KLHL5: variants seen among roughly 807,000 people sequenced by gnomAD.
KLHL5 encodes kelch like family member 5.
In KLHL5, 48 loss-of-function variants were observed where a neutral mutation model predicts 77.7. The observed-to-expected ratio is 0.62, with a 90% CI of 0.49 to 0.79. The LOEUF (loss-of-function observed/expected upper bound fraction) is 0.79. Among genes scored for constraint, KLHL5 ranks in the 30% least tolerant of loss-of-function variants. The pLI is 0.00. For missense variants in KLHL5, 723 were observed against 859.7 expected (o/e 0.84, Z 1.99); for synonymous variants, 260 against 297.0 (o/e 0.88, Z 1.28).
the KLHL5 span, among the ~76,000 whole-genome samples, chr4:39,132,611 G>GA: frequency 3.8e-3 from 489 of 128,836 alleles, no homozygotes; most frequent in African/African-American, 0.01. Flanking sequence ...TCATCTCAAA[G>GA]AAAAAAAAAA....
At chr4:39,132,361 C>A in the KLHL5 span, among the ~76,000 whole-genome samples, 1 of 152,154 alleles carries the variant, frequency 6.6e-6, no homozygotes, top group African/African-American at 2.4e-5. Flanking sequence ...GTAATCCCAG[C>A]ACTTTGGAAA....
downstream of KLHL5, among the ~76,000 whole-genome samples, chr4:39,127,502 T>C (rs951787090): frequency 1.1e-4 from 17 of 152,046 alleles, no homozygotes; most frequent in Non-Finnish European, 2.2e-4. Context: ...GGCTGGAGTG[T>C]AATGGCCTGA....
downstream of KLHL5, chr4:39,126,564 G>A (rs1723557419): frequency 2.7e-6 from 1 of 363,758 alleles, no homozygotes; most frequent in South Asian, 2.1e-5. Flanking sequence ...GGCTAACGAG[G>A]TATAATCTAG....
chr4:39,105,662 T>C (rs1721970426), intron 7 of KLHL5, among the ~76,000 whole-genome samples: 1 of 151,516 alleles, frequency 6.6e-6, no homozygotes, highest in Admixed American at 6.6e-5. Context: ...ACATATAAAA[T>C]GTGTATATGC....
chr4:39,111,664 TAAAC>T (rs1722463961), intron 8 of KLHL5, among the ~76,000 whole-genome samples: 1 of 152,188 alleles, frequency 6.6e-6, no homozygotes, highest in South Asian at 2.1e-4. Flanking sequence ...AACTAGAACA[TAAAC>T]AAGTTACTAA....
intron 10 of KLHL5, among the ~76,000 whole-genome samples, chr4:39,120,697 A>G (rs1723150809): frequency 6.6e-6 from 1 of 152,210 alleles, no homozygotes; most frequent in South Asian, 2.1e-4. Flanking sequence ...CTTCATATCC[A>G]TACTGTGTAT....
intron 6 of KLHL5, among the ~76,000 whole-genome samples, chr4:39,099,845 T>A (rs1261698960): frequency 6.6e-6 from 1 of 152,186 alleles, no homozygotes; most frequent in African/African-American, 2.4e-5. Context: ...CTGATTAGGG[T>A]TACAGTATAA....
rs879608383 is a variant in KLHL5 at position 39,081,308 on chromosome 4, G to A, written c.703+69G>A. Reference sequence around the variant, plus strand: ...TTGTATTATTAGATTTCAGATTTCTGTTTTTAGAAAGCATGCCATAGCTAA... The same window carrying A: ...TTGTATTATTAGATTTCAGATTTCTATTTTTAGAAAGCATGCCATAGCTAA... On this transcript the variant is annotated intron_variant, in intron 3 of 10. Transcript: ENST00000504108. This position sits in a 1 kb window ranked among gnomAD's most constrained non-coding sequence, Gnocchi z 4.3. 1.5e-5 allele frequency: 21 copies of A among 1,374,712 alleles called. No individual in the cohort carries two copies. The highest frequency in any genetic ancestry group is 2.1e-5 in the Non-Finnish European group (21 of 1,021,088). The allele number at this position is 1,374,712 out of a possible 1,614,324, so 85.2% of individuals were successfully genotyped here.
At chr4:39,052,561 C>G (rs1480133685) in intron 1 of KLHL5, among the ~76,000 whole-genome samples, 8 of 152,084 alleles carry the variant, frequency 5.3e-5, no homozygotes, top group African/African-American at 1.9e-4. Context: ...TGTAGCTGAT[C>G]AAAAACAAAC....
At chr4:39,085,686 A>G (rs952419255) in intron 4 of KLHL5, among the ~76,000 whole-genome samples, 1 of 152,102 alleles carries the variant, frequency 6.6e-6, no homozygotes, top group Non-Finnish European at 1.5e-5. Context: ...TCCCATTTCA[A>G]ATTATAGAGG....
At chr4:39,058,531 C>T (rs910477705), upstream of KLHL5, among the ~76,000 whole-genome samples, 1 of 151,818 alleles carries the variant, frequency 6.6e-6, no homozygotes, top group African/African-American at 2.4e-5. Context: ...ATGGAAGGAC[C>T]CCCTGAGCTC....
At chr4:39,100,225 G>A (rs1244516168) in intron 6 of KLHL5, among the ~76,000 whole-genome samples, 1 of 152,182 alleles carries the variant, frequency 6.6e-6, no homozygotes, top group African/African-American at 2.4e-5. Flanking sequence ...CATACATACA[G>A]TGGAAAACTC....
intron 5 of KLHL5, among the ~76,000 whole-genome samples, chr4:39,087,305 A>G (rs983746030): frequency 1.3e-5 from 2 of 152,176 alleles, no homozygotes; most frequent in African/African-American, 4.8e-5. Context: ...CAAAACTGCT[A>G]ATAAAAGGAG....
In KLHL5 at chr4:39,123,080, A is replaced by G. The variant is rs921769953; in HGVS notation, c.*2014A>G. Among the ~76,000 whole-genome samples the G allele has an allele frequency of 1.3e-5, 2 of 152,226 alleles. No individual in the cohort carries two copies. The highest frequency in any genetic ancestry group is 2.9e-5 in the Non-Finnish European group (2 of 68,040). ...GCATGGTATTTTAGGCAACTTAACT[A>G]TAAACAAATTTATTCATAGAAGCAT... On this transcript the variant is annotated 3_prime_UTR_variant, in exon 11 of 11. Transcript: ENST00000504108.
chr4:39,105,337 G>C (rs1023093398), intron 7 of KLHL5, among the ~76,000 whole-genome samples: 2 of 151,656 alleles, frequency 1.3e-5, no homozygotes, highest in Non-Finnish European at 2.9e-5. Context: ...GGTGGAGACA[G>C]GGTTTCACTA....
chr4:39,139,945 G>A, the KLHL5 span, among the ~76,000 whole-genome samples: 2 of 152,138 alleles, frequency 1.3e-5, no homozygotes, highest in Non-Finnish European at 2.9e-5. Context: ...AGAGACATGA[G>A]GCTGGGCGCG....
At chr4:39,109,406 C>T (rs1722286641) in intron 8 of KLHL5, among the ~76,000 whole-genome samples, 1 of 152,102 alleles carries the variant, frequency 6.6e-6, no homozygotes, top group African/African-American at 2.4e-5. Context: ...TCAAGCGGTT[C>T]TCCTGCTTCA....
the KLHL5 span, among the ~76,000 whole-genome samples, chr4:39,141,466 G>C: frequency 6.6e-6 from 1 of 151,730 alleles, no homozygotes; most frequent in Non-Finnish European, 1.5e-5. Context: ...CCGCCACCAC[G>C]CCAGGCTAAT....
At chr4:39,092,196 C>T (rs1193336812) in intron 5 of KLHL5, among the ~76,000 whole-genome samples, 1 of 151,992 alleles carries the variant, frequency 6.6e-6, no homozygotes, top group East Asian at 1.9e-4. Context: ...TTAGTATTCA[C>T]CAAAAATGCA....
Sources: allele counts gnomAD v4.1 joint callset (sites outside exome capture counted in the v4.1 genomes callset), GRCh38; gene constraint gnomAD v4.1.1; non-coding constraint Gnocchi (gnomAD v3.1); transcripts MANE v1.5; gene names NCBI Gene and HGNC (gene_info 2026-07-23, HGNC 2026-07-21).